Variants in POLE2 observed in about 807,000 individuals in gnomAD.
The protein encoded by POLE2 is DNA polymerase epsilon subunit 2.
A neutral mutation model predicts 79.4 loss-of-function variants in POLE2; 56 were observed. The ratio of observed to expected loss-of-function variants is 0.71; its 90% CI spans 0.57 to 0.88. The LOEUF is 0.88. Ranked by LOEUF, POLE2 falls within the 40% of genes least tolerant of loss-of-function variation. POLE2 has a pLI of 0.00. For synonymous variants in POLE2, 212 were observed against 214.0 expected, an observed-to-expected ratio of 0.99 and a Z score of 0.08; for missense variants, 598 against 638.9, an observed-to-expected ratio of 0.94 and a Z score of 0.69.
chr14:49,660,262 TCATCTAG>T (rs1184858642), intron 10 of POLE2, among the ~76,000 whole-genome samples: 1 of 152,156 alleles, frequency 6.6e-6, no homozygotes, highest in African/African-American at 2.4e-5. Context: ...GTGGGCTATA[TCATCTAG>T]GTTTGTATAA....
intron 9 of POLE2, among the ~76,000 whole-genome samples, 178 bp downstream of exon 9, chr14:49,664,448 T>C (rs1885330172): frequency 6.6e-6 from 1 of 152,202 alleles, no homozygotes; most frequent in Admixed American, 6.5e-5. Flanking sequence ...TTCAGAACAT[T>C]TTCATCACCC....
intron 1 of POLE2, among the ~76,000 whole-genome samples, chr14:49,685,064 G>A (rs998636592): frequency 6.0e-4 from 92 of 152,262 alleles, no homozygotes; most frequent in African/African-American, 2.2e-3. Context: ...CTAGTTACAT[G>A]CCACTACATG....
chr14:49,658,108 G>A (rs963655711), intron 10 of POLE2, among the ~76,000 whole-genome samples: 3 of 149,232 alleles, frequency 2.0e-5, no homozygotes, highest in East Asian at 2.0e-4. Flanking sequence ...ACAGAGTCTC[G>A]CTCTGTCCCC....
chr14:49,686,489 C>T (rs988836256), intron 1 of POLE2, among the ~76,000 whole-genome samples: 5 of 152,130 alleles, frequency 3.3e-5, no homozygotes, highest in African/African-American at 1.2e-4. Context: ...TGAGATGATC[C>T]ATCTTGACTG....
intron 10 of POLE2, among the ~76,000 whole-genome samples, chr14:49,662,344 C>A (rs1370854533): frequency 6.6e-6 from 1 of 152,264 alleles, no homozygotes; most frequent in Non-Finnish European, 1.5e-5. Context: ...TGTTGCCAGG[C>A]TGGAGTACAG....
chr14:49,683,441 T>C (rs1886880596), intron 2 of POLE2, 152 bp downstream of exon 2: 1 of 470,086 alleles, frequency 2.1e-6, no homozygotes, highest in Non-Finnish European at 3.7e-6. Flanking sequence ...ACTAAAGGTA[T>C]TACCCCTTGG....
chr14:49,666,034 C>T (rs1480197296), intron 7 of POLE2, among the ~76,000 whole-genome samples: 1 of 152,166 alleles, frequency 6.6e-6, no homozygotes, highest in Non-Finnish European at 1.5e-5. Context: ...CCATGTTGGT[C>T]AGGCTGGTCT....
At chr14:49,677,610 T>A in intron 3 of POLE2, 1 of 564,298 alleles carries the variant, frequency 1.8e-6, no homozygotes, top group Admixed American at 3.1e-5. Context: ...CACTGTGTCA[T>A]TGATGAACAG....
rs762247672 is a variant in POLE2, at chr14:49,654,188, G to A, written c.1100C>T (p.Pro367Leu). ...GATGGAACCAAATCCAGGATCCTCT[G>A]GACCAGGTACAAACACAAAACGACT... ...QSSRFVFVPG[P>L]EDPGFGSILP... is the part of the protein sequence containing the mutation. Residue 367 changes from proline to leucine, a missense_variant, in exon 14 of 19, where the codon CCA becomes CTA. Coordinates refer to ENST00000216367, the MANE Select transcript of POLE2 (RefSeq NM_002692.4). The A allele has an allele frequency of 2.5e-6, 4 of 1,610,952 alleles. No individual in the cohort carries two copies. Among genetic ancestry groups the A allele is most frequent in the Non-Finnish European group, 3.4e-6 (4 of 1,178,158 alleles).
chr14:49,645,271 TTG>T (rs747810217), intron 18 of POLE2, among the ~76,000 whole-genome samples: 1 of 152,206 alleles, frequency 6.6e-6, no homozygotes, highest in Non-Finnish European at 1.5e-5. Context: ...ATCACCAATA[TTG>T]TGTTTTTAAA....
intron 10 of POLE2, among the ~76,000 whole-genome samples, chr14:49,659,659 C>T (rs1884960947): frequency 1.3e-5 from 2 of 152,278 alleles, no homozygotes; most frequent in Admixed American, 1.3e-4. Context: ...TAATTCACAG[C>T]AGCCTTTAAC....
intron 5 of POLE2, among the ~76,000 whole-genome samples, chr14:49,671,400 C>T (rs531191494): frequency 3.3e-5 from 5 of 151,920 alleles, no homozygotes; most frequent in South Asian, 4.2e-4. Flanking sequence ...GGGTGGATCA[C>T]GAGGTCAGGA....
intron 15 of POLE2, among the ~76,000 whole-genome samples, chr14:49,651,692 A>T (rs560210468): frequency 6.6e-6 from 1 of 152,202 alleles, no homozygotes; most frequent in Non-Finnish European, 1.5e-5. Flanking sequence ...ATAATTAAGC[A>T]TAAGAGAAAA....
intron 13 of POLE2, 40 bp from the exon 14 acceptor site, chr14:49,654,254 T>C (rs756064058): frequency 1.5e-6 from 2 of 1,351,804 alleles, no homozygotes; most frequent in African/African-American, 1.4e-5. Context: ...AAAATATTAT[T>C]GTAACACTAT....
At chr14:49,682,112 C>A (rs1378176977) in intron 2 of POLE2, among the ~76,000 whole-genome samples, 1 of 149,484 alleles carries the variant, frequency 6.7e-6, no homozygotes, top group African/African-American at 2.5e-5. Flanking sequence ...TCAAGCGATT[C>A]TCCTGCCTCA....
chr14:49,682,295 A>G (rs910669740), intron 2 of POLE2, among the ~76,000 whole-genome samples: 3 of 148,252 alleles, frequency 2.0e-5, no homozygotes. Flanking sequence ...GTTAGCCACC[A>G]TGCCTGGCCC....
Position 49,688,127 on chromosome 14 carries a change from C to A in POLE2, c.68+9G>T. 6.5e-7 allele frequency: 1 copy of A among 1,550,024 alleles called. No homozygotes were observed. On this transcript the variant is annotated intron_variant, in intron 1 of 18. Transcript: ENST00000216367. Reference sequence around the variant, plus strand: ...CCTCTCGCCCTTCAAGCTGCCCGAGCCCACTCACCCACGGAGCAGCAAGCC... The same window carrying A: ...CCTCTCGCCCTTCAAGCTGCCCGAGACCACTCACCCACGGAGCAGCAAGCC...
At chr14:49,645,994 G>A (rs7147722) in intron 18 of POLE2, among the ~76,000 whole-genome samples, 1 of 151,996 alleles carries the variant, frequency 6.6e-6, no homozygotes, top group Non-Finnish European at 1.5e-5. Flanking sequence ...CATTCTAACA[G>A]TGGATAAGAC....
intron 1 of POLE2, 67 bp from the exon 2 acceptor site, chr14:49,683,760 A>G (rs1886908197): frequency 2.6e-6 from 2 of 761,234 alleles, no homozygotes; most frequent in Non-Finnish European, 4.5e-6. Context: ...TTCTGCCAAA[A>G]AGCAGCAAAT....
Sources: allele counts gnomAD v4.1 joint callset (sites outside exome capture counted in the v4.1 genomes callset), GRCh38; gene constraint gnomAD v4.1.1; transcripts MANE v1.5; gene names NCBI Gene and HGNC (gene_info 2026-07-23, HGNC 2026-07-21).